The following MGAT4A variants were observed in gnomAD, a reference collection of about 807,000 sequenced individuals.
MGAT4A encodes the protein alpha-1,3-mannosyl-glycoprotein 4-beta-N-acetylglucosaminyltransferase A.
In MGAT4A, 33 loss-of-function variants were observed where a neutral mutation model predicts 74.1. The ratio of observed to expected loss-of-function variants is 0.45; its 90% confidence interval spans 0.34 to 0.60. The LOEUF (loss-of-function observed/expected upper bound fraction) is 0.60. MGAT4A is among the 20% of genes least tolerant of loss of function. The probability of loss-of-function intolerance (pLI) is 0.02; values close to 1 mark genes in which losing one functional copy is unlikely to be tolerated. For synonymous variants in MGAT4A, 198 were observed against 210.4 expected, an observed-to-expected ratio of 0.94 and a Z score of 0.51; for missense variants, 479 against 628.3, an observed-to-expected ratio of 0.76 and a Z score of 2.54.
chr2:98,703,869 T>C (rs1276362783), intron 2 of MGAT4A, among the ~76,000 whole-genome samples: 3 of 152,200 alleles, frequency 2.0e-5, no homozygotes, highest in Non-Finnish European at 4.4e-5. Flanking sequence ...TATTTAGGTC[T>C]CAGTTCAACT....
Position 98,623,774 on chromosome 2 carries a change from T to A in MGAT4A, c.*1792A>T. The stretch of plus-strand genomic sequence containing the variant: ...AGTGTTTCCAAACGTTTGCACTTTG[T>A]AACACAGCACAGGAAATGATGCTAT... On this transcript the variant is annotated 3_prime_UTR_variant, in exon 16 of 16. Coordinates refer to ENST00000393487, the MANE Select transcript of MGAT4A (RefSeq NM_012214.3). The A allele has an allele frequency of 1.0e-6, 1 of 985,420 alleles. No homozygotes were observed. Among genetic ancestry groups the A allele is most frequent in the Non-Finnish European group, 1.2e-6 (1 of 829,924 alleles). The allele number at this position is 985,420 out of a possible 1,614,324, so 61.0% of individuals were successfully genotyped here.
rs115391950 is a variant in MGAT4A at position 98,712,538 on chromosome 2, T to C, written c.94+13701A>G. ...GAGTTTGTTACACAGGTGTGCCCCT[T>C]TGTGACAACTCATAGAGCTGTACAC... On this transcript the variant is annotated intron_variant, in intron 2 of 15. Coordinates refer to ENST00000393487, the MANE Select transcript of MGAT4A (RefSeq NM_012214.3). 3.8e-3 allele frequency among the ~76,000 whole-genome samples: 579 copies of C among 152,368 alleles called. 4 individuals are homozygous for C. Among genetic ancestry groups the C allele is most frequent in the African/African-American group, 0.013 (547 of 41,586 alleles).
chr2:98,625,145 TTA>T lies in MGAT4A; in HGVS notation c.*419_*420del. 1.3e-6 allele frequency: 1 copy of T among 783,730 alleles called. No individual in the cohort carries two copies. The highest frequency in any genetic ancestry group is 1.5e-6 in the Non-Finnish European group (1 of 646,750). The allele number at this position is 783,730 out of a possible 1,614,324, so 48.5% of individuals were successfully genotyped here. A position where few individuals can be genotyped will look rare whatever the true frequency, so the allele number is the denominator to read the frequency against. On this transcript the variant is annotated 3_prime_UTR_variant, in exon 16 of 16. Transcript: ENST00000393487. ...AATTCCATAACATTTTTATGTATAT[TTA>T]TATATTTATATATATAATCCCTGAT...
rs930694184 is a variant in MGAT4A at position 98,663,423 on chromosome 2, C to T, written c.404-244G>A. ...AAAATGAAAGACATTAAACTTCACACTAAAAAATGAATGGCTGCGAAGTAT... is the reference window on the plus strand; with the variant it reads ...AAAATGAAAGACATTAAACTTCACATTAAAAAATGAATGGCTGCGAAGTAT... On this transcript the variant is annotated intron_variant, in intron 4 of 15. Coordinates refer to ENST00000393487, the MANE Select transcript of MGAT4A (RefSeq NM_012214.3). 4.0e-6 allele frequency: 6 copies of T among 1,495,910 alleles called. No homozygotes were observed. The African/African-American group carries it at 7.1e-5, about 18-fold the overall frequency. 92.7% of individuals were successfully genotyped at this position (1,495,910 alleles called of 1,614,324 possible).
chr2:98,665,336 A>AAG (rs1220236486), intron 4 of MGAT4A, among the ~76,000 whole-genome samples: 1 of 150,746 alleles, frequency 6.6e-6, no homozygotes, highest in Non-Finnish European at 1.5e-5. Context: ...CTCATCTCAA[A>AAG]AAAAAAAAAA....
chr2:98,701,818 T>C (rs1220121012), intron 2 of MGAT4A, among the ~76,000 whole-genome samples: 1 of 152,208 alleles, frequency 6.6e-6, no homozygotes, highest in Non-Finnish European at 1.5e-5. Context: ...ACTCTTCTTT[T>C]TAGAAAGTCA....
chr2:98,631,991 T>C (rs1447522760), intron 14 of MGAT4A, among the ~76,000 whole-genome samples: 1 of 151,954 alleles, frequency 6.6e-6, no homozygotes, highest in Non-Finnish European at 1.5e-5. Context: ...GCGCCTGTAA[T>C]CCCAGGTACT....
chr2:98,683,037 G>A (rs180924896), intron 2 of MGAT4A, among the ~76,000 whole-genome samples: 216 of 151,516 alleles, frequency 1.4e-3, no homozygotes, highest in Middle Eastern at 6.8e-3. Context: ...GCAGTGAGCC[G>A]AGATCGCGCC....
At chr2:98,715,265 C>A (rs1194801388) in intron 2 of MGAT4A, among the ~76,000 whole-genome samples, 1 of 147,294 alleles carries the variant, frequency 6.8e-6, no homozygotes, top group Non-Finnish European at 1.5e-5. Flanking sequence ...GTGCAGTGAG[C>A]CAAGATTGTG....
intron 2 of MGAT4A, among the ~76,000 whole-genome samples, chr2:98,720,349 C>A (rs1702649916): frequency 1.3e-5 from 2 of 152,172 alleles, no homozygotes; most frequent in African/African-American, 4.8e-5. Flanking sequence ...CTGAGTAGAT[C>A]AAAAAGGTGG....
intron 2 of MGAT4A, among the ~76,000 whole-genome samples, chr2:98,709,437 A>G (rs1350180954): frequency 1.3e-5 from 2 of 152,158 alleles, no homozygotes; most frequent in Admixed American, 1.3e-4. Context: ...TTTAGGGAGA[A>G]TGTTGCAGAA....
rs563378327 is a variant in MGAT4A at position 98,673,497 on chromosome 2, C to T, written c.403+1538G>A. The stretch of plus-strand genomic sequence containing the variant: ...ATGATTTAGGGAGGAAAATGTTTAA[C>T]GTAAATATGGGTTATTTTTTCTACC... On this transcript the variant is annotated intron_variant, in intron 4 of 15. Coordinates refer to ENST00000393487, the MANE Select transcript of MGAT4A (RefSeq NM_012214.3). 2.6e-5 allele frequency among the ~76,000 whole-genome samples: 4 copies of T among 152,178 alleles called. No homozygotes were observed. The South Asian group carries it at 8.3e-4, about 32-fold the overall frequency.
chr2:98,712,919 T>C (rs1038868828), intron 2 of MGAT4A, among the ~76,000 whole-genome samples: 1 of 152,166 alleles, frequency 6.6e-6, no homozygotes, highest in African/African-American at 2.4e-5. Flanking sequence ...CCCAGCACTT[T>C]AGCAAGCTGA....
chr2:98,672,084 TGAGTTTGTGGCAA>T (rs1701919079), intron 4 of MGAT4A, among the ~76,000 whole-genome samples: 1 of 151,312 alleles, frequency 6.6e-6, no homozygotes, highest in African/African-American at 2.4e-5. Context: ...TTAAACACAG[TGAGTTTGTGGCAA>T]TTTGTTACAA....
chr2:98,622,654 C>A lies in MGAT4A; in HGVS notation c.*2912G>T. 1.0e-6 allele frequency: 1 copy of A among 985,552 alleles called. No homozygotes were observed. 61.1% of individuals were successfully genotyped at this position (985,552 alleles called of 1,614,324 possible). A position where few individuals can be genotyped will look rare whatever the true frequency, so the allele number is the denominator to read the frequency against. The stretch of plus-strand genomic sequence containing the variant: ...TCTACTAGTTGAGTGCAGAACTGGG[C>A]AGAAAGGAGGGAGTAACTAACAGTG... On this transcript the variant is annotated 3_prime_UTR_variant, in exon 16 of 16. Transcript: ENST00000393487.
At chr2:98,669,161 GGGCGGAATGATATGGTTT>G (rs1023482478) in intron 4 of MGAT4A, among the ~76,000 whole-genome samples, 1 of 152,174 alleles carries the variant, frequency 6.6e-6, no homozygotes, top group Non-Finnish European at 1.5e-5. Context: ...GAGGGGCCAG[GGGCGGAATGATATGGTTT>G]GGCTGTGTCC....
chr2:98,710,934 TAAG>T (rs1206653304), intron 2 of MGAT4A, among the ~76,000 whole-genome samples: 1 of 151,664 alleles, frequency 6.6e-6, no homozygotes, highest in Non-Finnish European at 1.5e-5. Flanking sequence ...ATAAGAAGTA[TAAG>T]AAGAACGGCG....
intron 2 of MGAT4A, among the ~76,000 whole-genome samples, chr2:98,705,026 C>G (rs977945165): frequency 1.3e-5 from 2 of 152,132 alleles, no homozygotes; most frequent in African/African-American, 4.8e-5. Context: ...TCTACCTTAT[C>G]ATTAACCCTA....
At chr2:98,708,138 GTT>G (rs200805891) in intron 2 of MGAT4A, among the ~76,000 whole-genome samples, 1 of 145,482 alleles carries the variant, frequency 6.9e-6, no homozygotes, top group Admixed American at 6.9e-5. Flanking sequence ...AGTGAGCTCA[GTT>G]TTTTTTTTTT....
Sources: allele counts gnomAD v4.1 joint callset (sites outside exome capture counted in the v4.1 genomes callset), GRCh38; gene constraint gnomAD v4.1.1; transcripts MANE v1.5; gene names NCBI Gene and HGNC (gene_info 2026-07-23, HGNC 2026-07-21).